SGCZ: variants seen among roughly 807,000 people sequenced by gnomAD.
The protein encoded by SGCZ is sarcoglycan zeta.
Under a neutral mutation model 41.3 loss-of-function variants are expected in SGCZ, and 40 were observed. The ratio of observed to expected loss-of-function variants is 0.97; its 90% confidence interval spans 0.75 to 1.26. The LOEUF (loss-of-function observed/expected upper bound fraction) is 1.26. SGCZ is among the 50% of genes most tolerant of loss of function. The pLI, the probability that SGCZ is intolerant of heterozygous loss-of-function variation, is 0.00. For missense variants in SGCZ, 552 were observed against 369.8 expected, an observed-to-expected ratio of 1.49 and a Z score of -4.04; for synonymous variants, 206 against 137.5, an observed-to-expected ratio of 1.50 and a Z score of -3.49.
intron 5 of SGCZ, among the ~76,000 whole-genome samples, chr8:14,143,598 C>T (rs568815017): frequency 1.3e-5 from 2 of 152,262 alleles, no homozygotes; most frequent in African/African-American, 4.8e-5. Flanking sequence ...ATGTAGGCTC[C>T]ACCAATCATC....
intron 1 of SGCZ, among the ~76,000 whole-genome samples, chr8:14,688,910 CAA>C (rs1808707398): frequency 6.6e-6 from 1 of 151,966 alleles, no homozygotes; most frequent in Non-Finnish European, 1.5e-5. Flanking sequence ...GCAACTTCAG[CAA>C]AGTCTCAGGA....
At chr8:14,658,011 G>T (rs1280391467) in intron 1 of SGCZ, among the ~76,000 whole-genome samples, 1 of 152,052 alleles carries the variant, frequency 6.6e-6, no homozygotes. Flanking sequence ...TTTAAAAAAA[G>T]GAAACTACTG....
chr8:14,940,226 T>C (rs570855869), intron 1 of SGCZ, among the ~76,000 whole-genome samples: 1 of 152,266 alleles, frequency 6.6e-6, no homozygotes, highest in Admixed American at 6.5e-5. Flanking sequence ...CCTGAAATTT[T>C]ATAAATTACA....
At chr8:14,471,325 T>C (rs771554563) in intron 2 of SGCZ, among the ~76,000 whole-genome samples, 1 of 152,170 alleles carries the variant, frequency 6.6e-6, no homozygotes, top group Non-Finnish European at 1.5e-5. Flanking sequence ...TTAATTAGCG[T>C]ATGCTTATAA....
At chr8:14,733,415 T>C (rs1029792598) in intron 1 of SGCZ, among the ~76,000 whole-genome samples, 2 of 152,214 alleles carry the variant, frequency 1.3e-5, no homozygotes, top group Admixed American at 6.5e-5. Context: ...CTATGCCTCT[T>C]GGTTCTAGAA....
chr8:14,618,833 G>A (rs1207847569), intron 1 of SGCZ, among the ~76,000 whole-genome samples: 3 of 152,100 alleles, frequency 2.0e-5, no homozygotes, highest in African/African-American at 7.2e-5. Flanking sequence ...CAATTCCGAT[G>A]GGGAGTAAGC....
chr8:14,269,652 G>C (rs905179996), intron 3 of SGCZ, among the ~76,000 whole-genome samples: 10 of 152,078 alleles, frequency 6.6e-5, no homozygotes, highest in South Asian at 2.1e-4. Flanking sequence ...TCTGATGATA[G>C]TGTGGAGAGT....
At chr8:15,210,666 A>G (rs934179816) in intron 1 of SGCZ, among the ~76,000 whole-genome samples, 4 of 152,090 alleles carry the variant, frequency 2.6e-5, no homozygotes, top group African/African-American at 9.6e-5. Context: ...TGAGCAATCC[A>G]ATACTCCCTC....
intron 2 of SGCZ, among the ~76,000 whole-genome samples, chr8:14,501,547 G>A (rs769172846): frequency 4.0e-5 from 6 of 150,316 alleles, no homozygotes; most frequent in East Asian, 2.0e-4. Context: ...GATCTATATC[G>A]TTGTAAACTT....
chr8:14,530,787 G>A (rs1047841092), intron 2 of SGCZ, among the ~76,000 whole-genome samples: 35 of 152,042 alleles, frequency 2.3e-4, no homozygotes, highest in Non-Finnish European at 4.1e-4. Context: ...GCTCAAGTCC[G>A]ACATGAGCCA....
chr8:14,176,199 C>G lies in SGCZ; in HGVS notation c.425-11497G>C, dbSNP rs111317371. ...TAGCATACTGGTCCTACACAGAACC[C>G]TTAGTCCAACAATATGCCATAAAGT... On this transcript the variant is annotated intron_variant, in intron 4 of 7. Coordinates refer to ENST00000382080, the MANE Select transcript of SGCZ (RefSeq NM_139167.4). Among the ~76,000 whole-genome samples, 662 of 152,252 alleles carry G rather than the reference C, an allele frequency of 4.3e-3. 2 individuals carry two copies. Among genetic ancestry groups the G allele is most frequent in the African/African-American group, 0.015 (608 of 41,536 alleles).
At chr8:14,610,111 A>G (rs937544535) in intron 1 of SGCZ, among the ~76,000 whole-genome samples, 17 of 152,198 alleles carry the variant, frequency 1.1e-4, no homozygotes, top group African/African-American at 4.1e-4. Context: ...TTGGGGAGGC[A>G]AATTTCTAGC....
chr8:14,265,081 T>C (rs1050036937), intron 3 of SGCZ, among the ~76,000 whole-genome samples: 2 of 152,160 alleles, frequency 1.3e-5, no homozygotes, highest in African/African-American at 2.4e-5. Flanking sequence ...ATCAAGAATA[T>C]TTAGGATACC....
At chr8:15,033,779 G>A (rs1401063013) in intron 1 of SGCZ, among the ~76,000 whole-genome samples, 1 of 152,084 alleles carries the variant, frequency 6.6e-6, no homozygotes, top group Non-Finnish European at 1.5e-5. Context: ...TGTCTCCTGA[G>A]GATACAAGCT....
At chr8:14,845,325 G>A (rs1312545234) in intron 1 of SGCZ, among the ~76,000 whole-genome samples, 2 of 152,026 alleles carry the variant, frequency 1.3e-5, no homozygotes, top group Non-Finnish European at 2.9e-5. Flanking sequence ...ATTCTTAAAG[G>A]CAAAATTGAA....
intron 1 of SGCZ, among the ~76,000 whole-genome samples, chr8:14,802,390 A>G (rs777634758): frequency 1.3e-5 from 2 of 152,218 alleles, no homozygotes; most frequent in Non-Finnish European, 2.9e-5. Flanking sequence ...TAATTCTAGC[A>G]TTTTGGTGAC....
intron 1 of SGCZ, among the ~76,000 whole-genome samples, chr8:15,082,098 G>A (rs1001571227): frequency 4.0e-5 from 6 of 151,830 alleles, no homozygotes; most frequent in African/African-American, 1.2e-4. Flanking sequence ...GCATGATCGC[G>A]GCCACCTGTA....
intron 1 of SGCZ, among the ~76,000 whole-genome samples, chr8:15,018,472 G>A (rs1000816465): frequency 2.0e-5 from 3 of 152,208 alleles, no homozygotes; most frequent in African/African-American, 7.2e-5. Flanking sequence ...CTCTGAGGAG[G>A]TGATATTTAA....
At chr8:14,401,393 C>A (rs1001324933) in intron 2 of SGCZ, among the ~76,000 whole-genome samples, 5 of 148,914 alleles carry the variant, frequency 3.4e-5, no homozygotes, top group South Asian at 2.1e-4. Flanking sequence ...CCCAATAACT[C>A]GTCATCTAGC....
Sources: gnomAD v4.1 joint callset for allele counts (sites outside exome capture counted in the v4.1 genomes callset) on GRCh38, gnomAD v4.1.1 for gene constraint, MANE v1.5 for transcripts, NCBI Gene and HGNC (gene_info 2026-07-23, HGNC 2026-07-21) for gene names.